The following CNGB1 variants were observed in gnomAD, a reference collection of about 807,000 sequenced individuals.
The protein encoded by CNGB1 is cyclic nucleotide-gated channel beta-1.
CNGB1 carries 126 observed loss-of-function variants against 151.7 expected under a neutral mutation model. The observed-to-expected ratio is 0.83, with a 90% confidence interval of 0.72 to 0.96. The LOEUF (loss-of-function observed/expected upper bound fraction) is 0.96. Among genes scored for constraint, CNGB1 ranks in the 40% least tolerant of loss-of-function variants. The pLI is 0.00. For missense variants in CNGB1, 1,698 were observed against 1,627.0 expected (o/e 1.04, Z -0.75); for synonymous variants, 623 against 635.1 (o/e 0.98, Z 0.29).
At position 57,960,820 on chromosome 16, in the gene CNGB1, C is replaced by T. The variant is rs2288485; in HGVS notation, c.534+20G>A. The T allele has an allele frequency of 0.19, 313,176 of 1,611,304 alleles. 34,390 individuals are homozygous for T. Among genetic ancestry groups the T allele is most frequent in the East Asian group, 0.42 (18,602 of 44,752 alleles). On this transcript the variant is annotated intron_variant, in intron 8 of 32. Transcript: ENST00000251102. ...CCCCCCCATATACTCAACTCCCTGC[C>T]TCTCCCTTCCTTGGCTCACCTCAGA...
chr16:57,962,541 T>C, intron 7 of CNGB1, 24 bp downstream of exon 7: 1 of 1,608,490 alleles, frequency 6.2e-7, no homozygotes, highest in South Asian at 1.1e-5. Context: ...CAGACAACAG[T>C]GACACTCAGG....
At chr16:57,929,465 A>G (rs1297041398) in intron 17 of CNGB1, among the ~76,000 whole-genome samples, 3 of 94,026 alleles carry the variant, frequency 3.2e-5, no homozygotes, top group Non-Finnish European at 6.1e-5. Context: ...GAGAGAGGAA[A>G]AGAGAGAGAG....
intron 15 of CNGB1, 116 bp downstream of exon 15, chr16:57,940,118 C>T: frequency 2.0e-6 from 2 of 1,008,672 alleles, no homozygotes; most frequent in East Asian, 2.6e-5. Context: ...CTCCCTCTGT[C>T]CTGCGGGCAT....
At chr16:57,913,881 A>C (rs540654105) in intron 23 of CNGB1, among the ~76,000 whole-genome samples, 1 of 152,334 alleles carries the variant, frequency 6.6e-6, no homozygotes, top group African/African-American at 2.4e-5. Flanking sequence ...AAGTCCAGTA[A>C]CTTGTCCAAA....
intron 12 of CNGB1, among the ~76,000 whole-genome samples, chr16:57,951,063 T>A (rs559867946): frequency 1.3e-5 from 2 of 152,248 alleles, no homozygotes; most frequent in African/African-American, 4.8e-5. Flanking sequence ...CCCTCCTGGG[T>A]CTAGAGGCTC....
intron 25 of CNGB1, 66 bp from the exon 26 acceptor site, chr16:57,904,941 G>A (rs1224408483): frequency 6.3e-7 from 1 of 1,598,194 alleles, no homozygotes. Flanking sequence ...CGAGCAGTCT[G>A]GCTCAGACGC....
intron 7 of CNGB1, 125 bp from the exon 8 acceptor site, chr16:57,961,040 G>T: frequency 2.4e-6 from 2 of 845,742 alleles, no homozygotes; most frequent in South Asian, 1.4e-5. Context: ...CACAGTGGGG[G>T]CCTTGTCCTG....
intron 27 of CNGB1, 124 bp downstream of exon 27, chr16:57,903,698 G>A: frequency 4.9e-6 from 6 of 1,213,478 alleles, no homozygotes; most frequent in Non-Finnish European, 7.1e-6. Flanking sequence ...AGCCAAGACA[G>A]GCCCCAGTAC....
intron 22 of CNGB1, 116 bp from the exon 23 acceptor site, chr16:57,915,451 G>A: frequency 2.4e-6 from 2 of 826,492 alleles, no homozygotes; most frequent in Non-Finnish European, 4.1e-6. Flanking sequence ...GAATGCCCCA[G>A]TAGAGCTTAA....
intron 16 of CNGB1, among the ~76,000 whole-genome samples, chr16:57,937,639 C>T (rs1035289098): frequency 1.3e-5 from 2 of 152,186 alleles, no homozygotes; most frequent in Admixed American, 1.3e-4. Context: ...TCAAAGAACC[C>T]AGAACTCACA....
intron 18 of CNGB1, chr16:57,923,039 C>A: frequency 2.4e-6 from 1 of 415,214 alleles, no homozygotes; most frequent in Non-Finnish European, 4.5e-6. Context: ...CCTCTCTGAG[C>A]ACTGCTGGCC....
intron 32 of CNGB1, among the ~76,000 whole-genome samples, chr16:57,885,621 T>C (rs1333840656): frequency 1.4e-5 from 2 of 147,960 alleles, no homozygotes; most frequent in Non-Finnish European, 3.0e-5. Context: ...TTAGACGGAG[T>C]CTTGCTCTGC....
intron 4 of CNGB1, 69 bp downstream of exon 4, chr16:57,964,061 G>A: frequency 6.8e-7 from 1 of 1,470,944 alleles, no homozygotes; most frequent in Non-Finnish European, 9.5e-7. Context: ...CCCATCCCCA[G>A]GGCTCCCTAG....
intron 14 of CNGB1, among the ~76,000 whole-genome samples, chr16:57,948,803 A>G (rs970558379): frequency 6.6e-6 from 1 of 152,052 alleles, no homozygotes; most frequent in Non-Finnish European, 1.5e-5. Context: ...TCCAGTGTTT[A>G]ATTTTTATTT....
intron 16 of CNGB1, among the ~76,000 whole-genome samples, chr16:57,934,391 G>A (rs1292947354): frequency 5.3e-5 from 8 of 152,156 alleles, no homozygotes; most frequent in African/African-American, 1.9e-4. Flanking sequence ...TCAAGATCGC[G>A]CCTACTACAC....
chr16:57,964,132 A>C lies in CNGB1; in HGVS notation c.288T>G (p.Asn96Lys). 3 of 1,614,046 alleles carry C rather than the reference A, an allele frequency of 1.9e-6. No homozygotes were observed. The highest frequency in any genetic ancestry group is 2.5e-6 in the Non-Finnish European group (3 of 1,179,962). Reference sequence around the variant, plus strand: ...GAGAGGGGAGGGTGGTGCAGTACCTATTCATTTCAGAAATCTCAGCGCCCT... The same window carrying C: ...GAGAGGGGAGGGTGGTGCAGTACCTCTTCATTTCAGAAATCTCAGCGCCCT... ...RAQGAEISEM[N>K]SPSRRVLTWL... is the part of the protein sequence containing the mutation. Residue 96 changes from asparagine (N) to lysine (K), a missense_variant and splice_region_variant, in exon 4 of 33, where the codon AAT becomes AAG. Transcript: ENST00000251102.
At chr16:57,917,117 A>C (rs1382558155) in intron 21 of CNGB1, 151 bp downstream of exon 21, 1 of 724,184 alleles carries the variant, frequency 1.4e-6, no homozygotes, top group African/African-American at 1.7e-5. Flanking sequence ...AAAATAAACA[A>C]CCATGCTATT....
intron 32 of CNGB1, among the ~76,000 whole-genome samples, chr16:57,885,574 CTCTCTTTCTT>C (rs1250541721): frequency 3.9e-5 from 4 of 102,146 alleles, no homozygotes; most frequent in East Asian, 2.7e-4. Flanking sequence ...CTCTCTCTCT[CTCTCTTTCTT>C]TCTTTCTTTC....
intron 31 of CNGB1, among the ~76,000 whole-genome samples, chr16:57,891,698 A>G (rs1411770340): frequency 6.6e-6 from 1 of 152,020 alleles, no homozygotes; most frequent in East Asian, 1.9e-4. Context: ...CTGGGATGAT[A>G]GGTGCCCATG....
Sources: gnomAD v4.1 joint callset for allele counts (sites outside exome capture counted in the v4.1 genomes callset) on GRCh38, gnomAD v4.1.1 for gene constraint, MANE v1.5 for transcripts, NCBI Gene and HGNC (gene_info 2026-07-23, HGNC 2026-07-21) for gene names.